RSPO2: variants seen among roughly 807,000 people sequenced by gnomAD.
The protein encoded by RSPO2 is R-spondin-2.
RSPO2 carries 14 observed loss-of-function variants against 30.9 expected under a neutral mutation model. The observed-to-expected ratio is 0.45, with a 90% CI of 0.30 to 0.71. The LOEUF (loss-of-function observed/expected upper bound fraction) is 0.71, where lower values mean the gene tolerates loss of function less well. Ranked by LOEUF, RSPO2 falls within the 30% of genes least tolerant of loss-of-function variation. RSPO2 has a pLI of 0.08. For missense variants in RSPO2, 264 were observed against 301.9 expected (o/e 0.87, Z 0.93); for synonymous variants, 107 against 96.4 (o/e 1.11, Z -0.64).
intron 5 of RSPO2, among the ~76,000 whole-genome samples, chr8:107,948,828 C>T (rs1813147384): frequency 6.6e-6 from 1 of 150,580 alleles, no homozygotes; most frequent in Admixed American, 6.7e-5. Context: ...CCACTGTGCT[C>T]TAGCCTGGGC....
intron 5 of RSPO2, among the ~76,000 whole-genome samples, chr8:107,903,818 C>T (rs477582): frequency 0.75 from 114,263 of 151,770 alleles, 43,146 homozygotes; most frequent in East Asian, 0.92. Flanking sequence ...TCACATAAGA[C>T]ATATTGCAAA....
intron 2 of RSPO2, among the ~76,000 whole-genome samples, chr8:108,006,970 A>G (rs1815472959): frequency 6.6e-6 from 1 of 152,198 alleles, no homozygotes; most frequent in Admixed American, 6.5e-5. Flanking sequence ...TTCAGCATGT[A>G]CCTTCTAAAA....
At chr8:107,919,020 G>A (rs1464633850) in intron 5 of RSPO2, among the ~76,000 whole-genome samples, 3 of 151,892 alleles carry the variant, frequency 2.0e-5, no homozygotes, top group Non-Finnish European at 4.4e-5. Context: ...TACCCTAGTC[G>A]GTATTAAAAC....
intron 5 of RSPO2, among the ~76,000 whole-genome samples, chr8:107,930,486 C>T (rs962166858): frequency 3.3e-5 from 5 of 152,204 alleles, no homozygotes; most frequent in Non-Finnish European, 7.3e-5. Flanking sequence ...GCTTCCTCAA[C>T]TGCTGAATAA....
chr8:107,915,117 T>C (rs1811939466), intron 5 of RSPO2, among the ~76,000 whole-genome samples: 1 of 152,304 alleles, frequency 6.6e-6, no homozygotes, highest in African/African-American at 2.4e-5. Flanking sequence ...TAATCTAAAA[T>C]ATACTTTTCC....
At chr8:107,936,703 T>G in intron 5 of RSPO2, among the ~76,000 whole-genome samples, 1 of 152,180 alleles carries the variant, frequency 6.6e-6, no homozygotes, top group East Asian at 1.9e-4. Context: ...TACATGTTTT[T>G]AACTTGTAAA....
chr8:107,923,427 G>A (rs748623031), intron 5 of RSPO2, among the ~76,000 whole-genome samples: 1 of 152,178 alleles, frequency 6.6e-6, no homozygotes, highest in Non-Finnish European at 1.5e-5. Context: ...TCAGACGCTA[G>A]TGAGGTTGTG....
chr8:107,962,722 G>T (rs577347323), intron 3 of RSPO2, among the ~76,000 whole-genome samples: 1 of 151,458 alleles, frequency 6.6e-6, no homozygotes, highest in Non-Finnish European at 1.5e-5. Context: ...CCTTCCTGCC[G>T]TAGTTATTTT....
At chr8:107,913,221 A>G (rs1480067613) in intron 5 of RSPO2, among the ~76,000 whole-genome samples, 1 of 152,166 alleles carries the variant, frequency 6.6e-6, no homozygotes, top group Non-Finnish European at 1.5e-5. Flanking sequence ...CTTGTCCATT[A>G]TAAGACTTAC....
intron 5 of RSPO2, among the ~76,000 whole-genome samples, chr8:107,903,588 C>A (rs1439300746): frequency 6.6e-6 from 1 of 152,010 alleles, no homozygotes; most frequent in Non-Finnish European, 1.5e-5. Flanking sequence ...GTAATCCTGG[C>A]CAAAAATTCA....
At chr8:107,923,575 A>G (rs1361046672) in intron 5 of RSPO2, among the ~76,000 whole-genome samples, 1 of 152,024 alleles carries the variant, frequency 6.6e-6, no homozygotes, top group African/African-American at 2.4e-5. Flanking sequence ...GGGTATATAC[A>G]CCCAAAGAAT....
intron 2 of RSPO2, among the ~76,000 whole-genome samples, chr8:108,030,809 G>T (rs1000980939): frequency 2.0e-5 from 3 of 152,116 alleles, no homozygotes; most frequent in Non-Finnish European, 2.9e-5. Context: ...TCCATTTTAT[G>T]AAATTGTTCC....
chr8:108,039,929 G>T (rs531077269), intron 2 of RSPO2, among the ~76,000 whole-genome samples: 10 of 152,110 alleles, frequency 6.6e-5, no homozygotes, highest in Non-Finnish European at 1.5e-4. Flanking sequence ...GCCATGTGAG[G>T]ATACAATGAG....
intron 3 of RSPO2, among the ~76,000 whole-genome samples, chr8:107,967,384 A>C (rs889478992): frequency 2.0e-5 from 3 of 152,208 alleles, no homozygotes; most frequent in African/African-American, 7.2e-5. Flanking sequence ...TATGTTATCA[A>C]AATCATGCAT....
intron 2 of RSPO2, among the ~76,000 whole-genome samples, chr8:108,082,223 G>A (rs1187957494): frequency 6.6e-6 from 1 of 152,144 alleles, no homozygotes; most frequent in East Asian, 1.9e-4. Flanking sequence ...TAAGAAATAC[G>A]TCCTAAAGAG....
At chr8:108,073,881 G>A (rs1014001127) in intron 2 of RSPO2, among the ~76,000 whole-genome samples, 1 of 152,112 alleles carries the variant, frequency 6.6e-6, no homozygotes, top group African/African-American at 2.4e-5. Context: ...TAAACTTTTA[G>A]AAAACAATTA....
chr8:107,932,196 A>G (rs1468993727), intron 5 of RSPO2, among the ~76,000 whole-genome samples: 1 of 152,186 alleles, frequency 6.6e-6, no homozygotes, highest in Non-Finnish European at 1.5e-5. Flanking sequence ...GAAGTAGTCA[A>G]GGTAGGCAAA....
At chr8:108,015,628 C>T (rs781540994) in intron 2 of RSPO2, among the ~76,000 whole-genome samples, 1 of 151,770 alleles carries the variant, frequency 6.6e-6, no homozygotes, top group Admixed American at 6.6e-5. Flanking sequence ...GCCTCACCCC[C>T]AACCCTTGAT....
At chr8:108,063,312 T>C (rs779967852) in intron 2 of RSPO2, among the ~76,000 whole-genome samples, 2 of 151,858 alleles carry the variant, frequency 1.3e-5, no homozygotes, top group African/African-American at 2.4e-5. Flanking sequence ...CTCCTGAAGC[T>C]GATAGGCAAC....
Sources: allele counts gnomAD v4.1 joint callset (sites outside exome capture counted in the v4.1 genomes callset), GRCh38; gene constraint gnomAD v4.1.1; transcripts MANE v1.5; gene names NCBI Gene and HGNC (gene_info 2026-07-23, HGNC 2026-07-21).